NEDD9: variants seen among roughly 807,000 people sequenced by gnomAD.
NEDD9 encodes enhancer of filamentation 1.
Under a neutral mutation model 76.6 loss-of-function variants are expected in NEDD9, and 26 were observed. That is an observed-to-expected ratio of 0.34 (90% CI 0.25 to 0.47). NEDD9 has a LOEUF of 0.47. Ranked by LOEUF, NEDD9 falls within the 20% of genes least tolerant of loss-of-function variation. The probability of loss-of-function intolerance (pLI) is 1.00; values close to 1 mark genes in which losing one functional copy is unlikely to be tolerated. For missense variants in NEDD9, 937 were observed against 1,058.5 expected (o/e 0.89, Z 1.59); for synonymous variants, 392 against 414.2 (o/e 0.95, Z 0.65).
At chr6:11,211,087 T>C (rs1365307066) in intron 2 of NEDD9, among the ~76,000 whole-genome samples, 1 of 152,220 alleles carries the variant, frequency 6.6e-6, no homozygotes, top group Admixed American at 6.5e-5. Context: ...TTTTCAGAAG[T>C]TGATTTCCTC....
At chr6:11,358,941 G>T (rs1041515517) in intron 1 of NEDD9, among the ~76,000 whole-genome samples, 4 of 152,198 alleles carry the variant, frequency 2.6e-5, no homozygotes, top group Non-Finnish European at 5.9e-5. Flanking sequence ...TATTATCATG[G>T]GGGAGAGGCA....
upstream of NEDD9, chr6:11,232,721 G>T: frequency 7.0e-7 from 1 of 1,430,924 alleles, no homozygotes; most frequent in South Asian, 1.5e-5. Flanking sequence ...TTTGCATGCC[G>T]CCCCGCCATT....
chr6:11,368,491 C>A (rs1292502970), intron 1 of NEDD9, among the ~76,000 whole-genome samples: 1 of 152,192 alleles, frequency 6.6e-6, no homozygotes, highest in African/African-American at 2.4e-5. Context: ...CAACTTTAAA[C>A]CCACTTGGAA....
At chr6:11,206,112 C>A (rs1313604491) in intron 2 of NEDD9, among the ~76,000 whole-genome samples, 5 of 152,110 alleles carry the variant, frequency 3.3e-5, no homozygotes, top group African/African-American at 1.2e-4. Flanking sequence ...TCAAGCAAGT[C>A]TTTTTTTAAA....
At chr6:11,344,638 G>A (rs1019963726) in intron 1 of NEDD9, among the ~76,000 whole-genome samples, 1 of 152,204 alleles carries the variant, frequency 6.6e-6, no homozygotes, top group Non-Finnish European at 1.5e-5. Flanking sequence ...AGATGGCATA[G>A]CACATGCTTT....
Position 11,191,276 on chromosome 6 carries a change from C to T in NEDD9, c.664-71G>A, listed in dbSNP as rs3734402. On this transcript the variant is annotated intron_variant, in intron 4 of 6. Transcript: ENST00000379446. Reference sequence around the variant, plus strand: ...ATGGGAACCTGTGGTCCCATGTGCTCAGTCCTATTTGCTGGCACTTTTTCG... The same window carrying T: ...ATGGGAACCTGTGGTCCCATGTGCTTAGTCCTATTTGCTGGCACTTTTTCG... The T allele has an allele frequency of 4.0e-3, 5,945 of 1,486,900 alleles. 109 individuals carry two copies. The Admixed American group carries it at 0.042, about 11-fold the overall frequency. 92.1% of individuals were successfully genotyped at this position (1,486,900 alleles called of 1,614,324 possible).
intron 1 of NEDD9, among the ~76,000 whole-genome samples, chr6:11,374,450 T>G (rs1300784830): frequency 6.6e-6 from 1 of 152,176 alleles, no homozygotes; most frequent in Non-Finnish European, 1.5e-5. Context: ...GAGAAAATGC[T>G]TCCCATGGTG....
chr6:11,231,237 G>A (rs1398200082), intron 1 of NEDD9, among the ~76,000 whole-genome samples: 1 of 152,196 alleles, frequency 6.6e-6, no homozygotes, highest in African/African-American at 2.4e-5. Flanking sequence ...CCCTACTGAT[G>A]AAGATAATAG....
At chr6:11,189,334 G>T (rs1003793071) in intron 5 of NEDD9, among the ~76,000 whole-genome samples, 11 of 152,278 alleles carry the variant, frequency 7.2e-5, no homozygotes, top group African/African-American at 2.6e-4. Context: ...AATTGTAGGA[G>T]GCCAACTGTG....
At chr6:11,267,615 C>T (rs1011951653) in intron 3 of NEDD9, among the ~76,000 whole-genome samples, 4 of 151,986 alleles carry the variant, frequency 2.6e-5, no homozygotes, top group African/African-American at 9.7e-5. Flanking sequence ...TTTTCAACAA[C>T]AATCCTAGGG....
intron 3 of NEDD9, among the ~76,000 whole-genome samples, chr6:11,246,602 G>A (rs529759660): frequency 3.0e-4 from 46 of 152,312 alleles, no homozygotes; most frequent in African/African-American, 1.1e-3. Flanking sequence ...GGCATTTGAA[G>A]CTCGAGTGTG....
intron 3 of NEDD9, among the ~76,000 whole-genome samples, chr6:11,248,495 C>T (rs1581982224): frequency 6.6e-6 from 1 of 152,154 alleles, no homozygotes; most frequent in East Asian, 1.9e-4. Context: ...ACTGGTTCCC[C>T]AAAAGTATCC....
intron 3 of NEDD9, among the ~76,000 whole-genome samples, chr6:11,288,460 G>A (rs1760695764): frequency 6.6e-6 from 1 of 152,218 alleles, no homozygotes; most frequent in Non-Finnish European, 1.5e-5. Context: ...AGGTTGCTTG[G>A]TGTCCACAGG....
chr6:11,283,903 T>C (rs1760587620), intron 3 of NEDD9, among the ~76,000 whole-genome samples: 1 of 152,154 alleles, frequency 6.6e-6, no homozygotes, highest in Non-Finnish European at 1.5e-5. Flanking sequence ...CACAGAGCCT[T>C]CCTGGGTTTG....
At chr6:11,212,687 G>C (rs1351923334) in intron 2 of NEDD9, among the ~76,000 whole-genome samples, 1 of 152,208 alleles carries the variant, frequency 6.6e-6, no homozygotes, top group Non-Finnish European at 1.5e-5. Flanking sequence ...ATGACTTGAA[G>C]GACAGGAGGA....
At chr6:11,347,348 A>T (rs139187501) in intron 1 of NEDD9, among the ~76,000 whole-genome samples, 1 of 152,202 alleles carries the variant, frequency 6.6e-6, no homozygotes, top group Non-Finnish European at 1.5e-5. Context: ...ATTCTACCAG[A>T]TGTACAAAGA....
intron 1 of NEDD9, among the ~76,000 whole-genome samples, chr6:11,216,602 G>A (rs1356649519): frequency 6.6e-6 from 1 of 152,206 alleles, no homozygotes; most frequent in Non-Finnish European, 1.5e-5. Context: ...CTGAAGAGGA[G>A]CGGTTCTTCT....
At chr6:11,288,128 T>C (rs1760688807) in intron 3 of NEDD9, among the ~76,000 whole-genome samples, 1 of 152,232 alleles carries the variant, frequency 6.6e-6, no homozygotes, top group Non-Finnish European at 1.5e-5. Flanking sequence ...CATCCTGATC[T>C]TGACTTTATA....
chr6:11,216,095 TCA>T (rs1165447089), intron 1 of NEDD9, among the ~76,000 whole-genome samples: 26 of 152,170 alleles, frequency 1.7e-4, no homozygotes, highest in Admixed American at 4.6e-4. Flanking sequence ...GGGGAAACTC[TCA>T]GAGCCCCACA....
Sources: gnomAD v4.1 joint callset for allele counts (sites outside exome capture counted in the v4.1 genomes callset) on GRCh38, gnomAD v4.1.1 for gene constraint, MANE v1.5 for transcripts, NCBI Gene and HGNC (gene_info 2026-07-23, HGNC 2026-07-21) for gene names.